Variants in COL4A4 observed in about 807,000 individuals in gnomAD.
COL4A4 encodes collagen type IV alpha 4 chain.
Under a neutral mutation model 192.9 loss-of-function variants are expected in COL4A4, and 105 were observed. That is an observed-to-expected ratio of 0.54 (90% CI 0.46 to 0.64). COL4A4 has a LOEUF of 0.64. Ranked by LOEUF, COL4A4 falls within the 30% of genes least tolerant of loss-of-function variation. COL4A4 has a pLI of 0.00. For synonymous variants in COL4A4, 762 were observed against 769.9 expected (o/e 0.99, Z 0.17); for missense variants, 1,967 against 2,169.3 (o/e 0.91, Z 1.85).
At chr2:227,074,377 C>T (rs933759487) in intron 25 of COL4A4, among the ~76,000 whole-genome samples, 2 of 151,850 alleles carry the variant, frequency 1.3e-5, no homozygotes, top group Admixed American at 6.6e-5. Flanking sequence ...CAAAAAATGG[C>T]CATTATTTAA....
At chr2:227,042,908 C>T (rs1971745669) in intron 36 of COL4A4, among the ~76,000 whole-genome samples, 169 bp downstream of exon 36, 1 of 152,258 alleles carries the variant, frequency 6.6e-6, no homozygotes, top group Non-Finnish European at 1.5e-5. Flanking sequence ...GTGAAACCCA[C>T]TAGCTTATAG....
Position 227,135,055 on chromosome 2 carries a change from AGG to A in COL4A4, c.192+5104_192+5105del, listed in dbSNP as rs555664399. 2.7e-3 allele frequency among the ~76,000 whole-genome samples: 407 copies of A among 152,348 alleles called. 2 individuals are homozygous for A. Among genetic ancestry groups the A allele is most frequent in the Non-Finnish European group, 5.1e-3 (346 of 68,028 alleles). ...AGAGCTTCCTCCCTTGAAACTGATA[AGG>A]AATAATAGAAAATCCTGCCTGATAT... is the stretch of plus-strand genomic sequence containing the variant. On this transcript the variant is annotated intron_variant, in intron 4 of 47. Transcript: ENST00000396625.
intron 5 of COL4A4, 101 bp from the exon 6 acceptor site, chr2:227,120,040 T>A (rs2061693457): frequency 1.1e-6 from 1 of 874,722 alleles, no homozygotes; most frequent in African/African-American, 1.7e-5. Flanking sequence ...TTAAACATGC[T>A]GAGCAGTCAT....
intron 7 of COL4A4, among the ~76,000 whole-genome samples, chr2:227,116,104 C>G (rs575175825): frequency 4.5e-4 from 69 of 152,320 alleles, no homozygotes; most frequent in Admixed American, 7.8e-4. Flanking sequence ...AGTCTCAAAT[C>G]CATCTCCTGG....
chr2:227,137,113 C>T (rs977212602), intron 4 of COL4A4, among the ~76,000 whole-genome samples: 1 of 152,186 alleles, frequency 6.6e-6, no homozygotes, highest in African/African-American at 2.4e-5. Context: ...TCCTTGACCA[C>T]GCAGACACAA....
chr2:227,035,746 C>T (rs1285456718), intron 37 of COL4A4, among the ~76,000 whole-genome samples: 1 of 152,082 alleles, frequency 6.6e-6, no homozygotes, highest in East Asian at 1.9e-4. Flanking sequence ...TTCGGGGGGA[C>T]CACTTCACTA....
chr2:227,044,018 TC>T (rs1290599163), intron 35 of COL4A4, among the ~76,000 whole-genome samples: 1 of 152,182 alleles, frequency 6.6e-6, no homozygotes, highest in Non-Finnish European at 1.5e-5. Flanking sequence ...TTTAAAGCAG[TC>T]CTTTTCTTAT....
intron 8 of COL4A4, among the ~76,000 whole-genome samples, chr2:227,114,184 G>A (rs564132220): frequency 6.6e-6 from 1 of 152,342 alleles, no homozygotes; most frequent in African/African-American, 2.4e-5. Flanking sequence ...GTCCTCCACT[G>A]GGGTGATTTC....
chr2:227,088,925 T>C lies in COL4A4; in HGVS notation c.1460-109A>G, dbSNP rs2059746619. The C allele has an allele frequency of 7.8e-6, 10 of 1,276,330 alleles. No individual in the cohort carries two copies. In the East Asian group the frequency reaches 2.1e-4, roughly 27 times the overall value. 79.1% of individuals were successfully genotyped at this position (1,276,330 alleles called of 1,614,324 possible). On this transcript the variant is annotated intron_variant, in intron 21 of 47. Transcript: ENST00000396625. ...TAAATGAAGAACAAAGAGTCCGATA[T>C]GCACTTCTTGCAGACAATTGAGAGC... is the stretch of plus-strand genomic sequence containing the variant.
intron 20 of COL4A4, among the ~76,000 whole-genome samples, 176 bp from the exon 21 acceptor site, chr2:227,090,133 A>T (rs2059835168): frequency 6.6e-6 from 1 of 152,140 alleles, no homozygotes; most frequent in African/African-American, 2.4e-5. Context: ...ATATACACAC[A>T]TATAGATGAT....
chr2:227,042,978 G>A, intron 36 of COL4A4, 99 bp downstream of exon 36: 1 of 872,602 alleles, frequency 1.1e-6, no homozygotes, highest in Non-Finnish European at 1.9e-6. Flanking sequence ...AAATGGCAGA[G>A]CCATATCTGA....
At chr2:227,106,648 T>C (rs146127084) in intron 12 of COL4A4, among the ~76,000 whole-genome samples, 2,589 of 152,286 alleles carry the variant, frequency 0.017, 60 homozygotes, top group African/African-American at 0.059. Context: ...TCACTGCAAC[T>C]GCCACCTCCC....
At position 227,121,008 on chromosome 2, in the gene COL4A4, G is replaced by A; in HGVS notation, c.327+6C>T. The A allele has an allele frequency of 1.9e-6, 3 of 1,614,020 alleles. No individual in the cohort carries two copies. The highest frequency in any genetic ancestry group is 2.5e-6 in the Non-Finnish European group (3 of 1,179,962). On this transcript the variant is annotated splice_donor_region_variant and intron_variant, in intron 5 of 47. Coordinates refer to ENST00000396625, the MANE Select transcript of COL4A4 (RefSeq NM_000092.5). ...CATGTGAATCTCCACATAAGATGTG[G>A]CTTACCTTATCTCCTTTGTCCCCTG...
chr2:227,161,857 C>T (rs983701858), intron 1 of COL4A4, among the ~76,000 whole-genome samples: 3 of 151,838 alleles, frequency 2.0e-5, no homozygotes, highest in African/African-American at 7.3e-5. Context: ...TGCCTCCAGC[C>T]ATTTTAGTAC....
chr2:227,052,517 C>T (rs1178781595), intron 31 of COL4A4, 105 bp from the exon 32 acceptor site: 13 of 744,084 alleles, frequency 1.7e-5, no homozygotes, highest in Middle Eastern at 2.7e-4. Context: ...ACTTAACCTA[C>T]GAAGCTCTAT....
the COL4A4 span, among the ~76,000 whole-genome samples, chr2:226,983,176 A>G: frequency 6.6e-6 from 1 of 152,192 alleles, no homozygotes; most frequent in Non-Finnish European, 1.5e-5. Context: ...CTTGAGGTGC[A>G]TGTTAAAAAA....
chr2:227,107,617 C>T (rs187898614), intron 12 of COL4A4, among the ~76,000 whole-genome samples: 52 of 152,252 alleles, frequency 3.4e-4, no homozygotes, highest in Admixed American at 3.3e-3. Flanking sequence ...CTTGCTAAAT[C>T]CCCACACCCA....
intron 32 of COL4A4, among the ~76,000 whole-genome samples, chr2:227,052,064 G>A (rs543296075): frequency 4.6e-5 from 7 of 152,070 alleles, no homozygotes; most frequent in East Asian, 1.9e-4. Flanking sequence ...GGTGGCATGC[G>A]CCTGTAATTC....
At chr2:227,099,205 T>G (rs1357837020) in intron 18 of COL4A4, among the ~76,000 whole-genome samples, 3 of 152,146 alleles carry the variant, frequency 2.0e-5, no homozygotes, top group Non-Finnish European at 4.4e-5. Flanking sequence ...TAGCTGGGAT[T>G]ACAAGCATGT....
Sources: allele counts gnomAD v4.1 joint callset (sites outside exome capture counted in the v4.1 genomes callset), GRCh38; gene constraint gnomAD v4.1.1; transcripts MANE v1.5; gene names NCBI Gene and HGNC (gene_info 2026-07-23, HGNC 2026-07-21).